The following MAF variants were observed in gnomAD, a reference collection of about 807,000 sequenced individuals.
The protein encoded by MAF is transcription factor Maf.
In MAF, 10 loss-of-function variants were observed where a neutral mutation model predicts 22.0. The observed-to-expected ratio is 0.45, with a 90% confidence interval of 0.28 to 0.77. MAF has a LOEUF of 0.77. Among genes scored for constraint, MAF ranks in the 30% least tolerant of loss-of-function variants. The pLI is 0.12. For missense variants in MAF, 544 were observed against 548.4 expected (o/e 0.99, Z 0.08); for synonymous variants, 337 against 255.8 (o/e 1.32, Z -3.03).
chr16:79,471,501 C>A, the MAF span, among the ~76,000 whole-genome samples: 1 of 152,126 alleles, frequency 6.6e-6, no homozygotes, highest in African/African-American at 2.4e-5. Flanking sequence ...AGGCTAACTC[C>A]TGTCTCTAGA....
At chr16:79,414,819 C>A in the MAF span, among the ~76,000 whole-genome samples, 9 of 152,202 alleles carry the variant, frequency 5.9e-5, no homozygotes, top group African/African-American at 1.7e-4. Flanking sequence ...CTTAAAGATG[C>A]ACATGCACGT....
the MAF span, among the ~76,000 whole-genome samples, chr16:79,357,281 A>T: frequency 1.6e-4 from 24 of 148,520 alleles, no homozygotes; most frequent in African/African-American, 6.2e-4. Context: ...AACAACAACA[A>T]CAACAACAAC....
At chr16:79,236,598 C>A in the MAF span, among the ~76,000 whole-genome samples, 5 of 152,000 alleles carry the variant, frequency 3.3e-5, no homozygotes, top group Non-Finnish European at 5.9e-5. Flanking sequence ...ACAGAAGGGG[C>A]TCAGGAAATA....
the MAF span, among the ~76,000 whole-genome samples, chr16:79,311,976 G>T: frequency 6.6e-6 from 1 of 152,168 alleles, no homozygotes; most frequent in Admixed American, 6.5e-5. Context: ...GGGAGGGGGA[G>T]TTGCTGATTA....
At chr16:79,337,952 C>T in the MAF span, among the ~76,000 whole-genome samples, 1 of 152,156 alleles carries the variant, frequency 6.6e-6, no homozygotes, top group Non-Finnish European at 1.5e-5. Flanking sequence ...CCGTTCATTC[C>T]TTCTTGTATG....
chr16:79,309,657 TC>T, the MAF span, among the ~76,000 whole-genome samples: 1 of 152,180 alleles, frequency 6.6e-6, no homozygotes, highest in Non-Finnish European at 1.5e-5. Context: ...TGAGTCCCCA[TC>T]CACAGAGGGA....
At chr16:79,360,384 AG>A in the MAF span, among the ~76,000 whole-genome samples, 1 of 152,152 alleles carries the variant, frequency 6.6e-6, no homozygotes, top group Non-Finnish European at 1.5e-5. Flanking sequence ...AATACACAAA[AG>A]CATGGCTTTG....
chr16:79,231,444 A>C, the MAF span, among the ~76,000 whole-genome samples: 1 of 152,102 alleles, frequency 6.6e-6, no homozygotes, highest in Non-Finnish European at 1.5e-5. Context: ...CGGAAATAAA[A>C]CCATCTATTG....
At chr16:79,483,755 G>A in the MAF span, among the ~76,000 whole-genome samples, 2 of 152,200 alleles carry the variant, frequency 1.3e-5, no homozygotes, top group South Asian at 2.1e-4. Flanking sequence ...AGCCAGGCAA[G>A]CTTCTGGGGC....
chr16:79,286,755 C>G, the MAF span, among the ~76,000 whole-genome samples: 1 of 152,186 alleles, frequency 6.6e-6, no homozygotes, highest in Non-Finnish European at 1.5e-5. Context: ...CACACGTCCA[C>G]CCGTTCTCAC....
At chr16:79,266,700 A>G in the MAF span, among the ~76,000 whole-genome samples, 2 of 152,098 alleles carry the variant, frequency 1.3e-5, no homozygotes, top group African/African-American at 4.8e-5. Context: ...AGAGTGATGG[A>G]TTGGGCTGGG....
At chr16:79,237,492 C>T in the MAF span, among the ~76,000 whole-genome samples, 19 of 151,982 alleles carry the variant, frequency 1.3e-4, no homozygotes, top group Admixed American at 6.6e-4. Flanking sequence ...AGGATTTCTC[C>T]CCCAACTTCT....
chr16:79,278,185 TC>T, the MAF span, among the ~76,000 whole-genome samples: 1 of 152,208 alleles, frequency 6.6e-6, no homozygotes, highest in South Asian at 2.1e-4. Flanking sequence ...AGAGACAGTC[TC>T]GGGAAATGGG....
the MAF span, among the ~76,000 whole-genome samples, chr16:79,452,053 A>G: frequency 1.3e-5 from 2 of 152,098 alleles, no homozygotes; most frequent in African/African-American, 4.8e-5. Context: ...TTTTATTGGA[A>G]CTCAGCCACA....
the MAF span, among the ~76,000 whole-genome samples, chr16:79,575,423 G>GC: frequency 6.6e-6 from 1 of 152,098 alleles, no homozygotes; most frequent in East Asian, 1.9e-4. Flanking sequence ...AATGAAGCAG[G>GC]CAAGGGGCCA....
the MAF span, among the ~76,000 whole-genome samples, chr16:79,500,955 C>T: frequency 6.6e-6 from 1 of 152,162 alleles, no homozygotes; most frequent in African/African-American, 2.4e-5. Context: ...TTGCTATATC[C>T]TGATCATGGG....
chr16:79,210,166 G>A, the MAF span, among the ~76,000 whole-genome samples: 4 of 152,164 alleles, frequency 2.6e-5, no homozygotes, highest in Non-Finnish European at 5.9e-5. Context: ...TCACTTGACT[G>A]CATTTGACCA....
chr16:79,428,589 C>T, the MAF span, among the ~76,000 whole-genome samples: 1 of 152,070 alleles, frequency 6.6e-6, no homozygotes, highest in African/African-American at 2.4e-5. Flanking sequence ...CCTGTAATCC[C>T]AGCACTTTGG....
At chr16:79,502,708 A>AATATATATATATAAATATAAATAT in the MAF span, among the ~76,000 whole-genome samples, 1 of 34,008 alleles carries the variant, frequency 2.9e-5, no homozygotes, top group African/African-American at 9.0e-5. Flanking sequence ...TATAAATATA[A>AATATATATATATAAATATAAATAT]ATATATATAT....
Sources: gnomAD v4.1 joint callset for allele counts (sites outside exome capture counted in the v4.1 genomes callset) on GRCh38, gnomAD v4.1.1 for gene constraint, MANE v1.5 for transcripts, NCBI Gene and HGNC (gene_info 2026-07-23, HGNC 2026-07-21) for gene names.